The following TBL1X variants were observed in gnomAD, a reference collection of about 807,000 sequenced individuals.
TBL1X encodes F-box-like/WD repeat-containing protein TBL1X.
A neutral mutation model predicts 50.7 loss-of-function variants in TBL1X; 10 were observed. The ratio of observed to expected loss-of-function variants is 0.20; its 90% CI spans 0.12 to 0.33. TBL1X has a LOEUF of 0.33. Ranked by LOEUF, TBL1X falls within the 10% of genes least tolerant of loss-of-function variation. TBL1X has a pLI of 1.00. For missense variants in TBL1X, 340 were observed against 504.4 expected (o/e 0.67, Z 3.12); for synonymous variants, 190 against 214.7 (o/e 0.88, Z 1.01).
chrX:9,522,282 T>G (rs1017632215), intron 2 of TBL1X, among the ~76,000 whole-genome samples: 1 of 111,629 alleles, frequency 9.0e-6, no homozygotes, highest in Non-Finnish European at 1.9e-5. Context: ...CCTCCCAAAG[T>G]GCTAGGATTA....
chrX:9,699,648 G>A (rs1366306151), intron 12 of TBL1X, among the ~76,000 whole-genome samples: 1 of 111,708 alleles, frequency 9.0e-6, no homozygotes, highest in East Asian at 2.8e-4. Flanking sequence ...GGGCCCTGCA[G>A]GAAACAAGAC....
chrX:9,509,943 G>A (rs1399716578), intron 2 of TBL1X, among the ~76,000 whole-genome samples: 1 of 111,495 alleles, frequency 9.0e-6, no homozygotes, highest in Admixed American at 9.5e-5. Flanking sequence ...TGTAACTTGT[G>A]TTATTAATGA....
Position 9,490,173 on chromosome X carries a change from G to A in TBL1X, c.-200-11607G>A, listed in dbSNP as rs1359539925. 1.8e-4 allele frequency among the ~76,000 whole-genome samples: 20 copies of A among 110,487 alleles called. 1 individual carries two copies. The highest frequency in any genetic ancestry group is 5.6e-4 in the African/African-American group (17 of 30,304). On this transcript the variant is annotated intron_variant, in intron 1 of 17. Coordinates refer to ENST00000645353, the MANE Select transcript of TBL1X (RefSeq NM_005647.4). Reference sequence around the variant, plus strand: ...TTTTGTAGAGACAGAGTCTCATCATGTTGTCCAGACTAGTCTTGAACTCCT... The same window carrying A: ...TTTTGTAGAGACAGAGTCTCATCATATTGTCCAGACTAGTCTTGAACTCCT...
At chrX:9,587,246 C>T (rs2082474898) in intron 2 of TBL1X, among the ~76,000 whole-genome samples, 1 of 112,011 alleles carries the variant, frequency 8.9e-6, no homozygotes, top group African/African-American at 3.3e-5. Flanking sequence ...CTGCTGTCCG[C>T]GGCTTGCGCT....
At chrX:9,474,059 A>G (rs1310186577) in intron 1 of TBL1X, among the ~76,000 whole-genome samples, 1 of 112,612 alleles carries the variant, frequency 8.9e-6, no homozygotes, top group African/African-American at 3.2e-5. Flanking sequence ...TTAATTCCCA[A>G]AAGGGTCTTA....
chrX:9,661,287 C>T (rs963715708), intron 5 of TBL1X, among the ~76,000 whole-genome samples: 3 of 112,317 alleles, frequency 2.7e-5, no homozygotes, highest in African/African-American at 9.7e-5. Flanking sequence ...GAGGCCCACG[C>T]CTATAATCCC....
At chrX:9,561,141 C>T (rs5979119) in intron 2 of TBL1X, among the ~76,000 whole-genome samples, 1,608 of 111,243 alleles carry the variant, frequency 0.014, 25 homozygotes, top group African/African-American at 0.05. Context: ...ACACTCAAAC[C>T]GCACCCCACC....
chrX:9,545,720 A>G (rs999165176), intron 2 of TBL1X, among the ~76,000 whole-genome samples: 2 of 111,008 alleles, frequency 1.8e-5, no homozygotes, highest in Admixed American at 9.6e-5. Context: ...ATTCTCCTAC[A>G]AAACCATAGT....
chrX:9,626,333 G>A (rs913959367), intron 2 of TBL1X, among the ~76,000 whole-genome samples: 2 of 111,894 alleles, frequency 1.8e-5, no homozygotes, highest in African/African-American at 6.5e-5. Flanking sequence ...ATATTTGACT[G>A]TTGGAAATTT....
At chrX:9,591,620 AG>A (rs1430039752) in intron 2 of TBL1X, among the ~76,000 whole-genome samples, 7 of 111,909 alleles carry the variant, frequency 6.3e-5, no homozygotes, top group Non-Finnish European at 3.8e-5. Flanking sequence ...GAGTGCCCAG[AG>A]GGGGGAAGAG....
intron 11 of TBL1X, among the ~76,000 whole-genome samples, chrX:9,695,465 A>C (rs2083126105): frequency 8.9e-6 from 1 of 112,831 alleles, no homozygotes; most frequent in Admixed American, 9.4e-5. Context: ...AGATGTTCTA[A>C]TTCAAGTAAC....
intron 3 of TBL1X, among the ~76,000 whole-genome samples, chrX:9,651,438 GA>G (rs1439696626): frequency 8.9e-6 from 1 of 111,928 alleles, no homozygotes; most frequent in Non-Finnish European, 1.9e-5. Context: ...GTTAATGATA[GA>G]AAACCAGAGA....
intron 1 of TBL1X, among the ~76,000 whole-genome samples, chrX:9,469,307 C>G (rs2081797621): frequency 9.0e-6 from 1 of 111,482 alleles, no homozygotes; most frequent in African/African-American, 3.3e-5. Flanking sequence ...GGATTACAGG[C>G]ATGCTCCACC....
intron 2 of TBL1X, among the ~76,000 whole-genome samples, chrX:9,510,246 A>G (rs1462241245): frequency 9.0e-6 from 1 of 111,586 alleles, no homozygotes; most frequent in Non-Finnish European, 1.9e-5. Flanking sequence ...GCCACAGGTA[A>G]GAAATCCTGG....
chrX:9,699,885 TTTG>T (rs1385295788), intron 12 of TBL1X, among the ~76,000 whole-genome samples: 1 of 111,231 alleles, frequency 9.0e-6, no homozygotes, highest in African/African-American at 3.3e-5. Flanking sequence ...GCCGGTGAAA[TTTG>T]TTACTGGTGT....
At chrX:9,655,921 C>T (rs758461242) in intron 5 of TBL1X, among the ~76,000 whole-genome samples, 3 of 112,598 alleles carry the variant, frequency 2.7e-5, no homozygotes, top group Non-Finnish European at 5.6e-5. Context: ...ACGTCAGGCA[C>T]GTAGCACATT....
At chrX:9,638,350 T>C (rs2082758743) in intron 2 of TBL1X, among the ~76,000 whole-genome samples, 1 of 112,599 alleles carries the variant, frequency 8.9e-6, no homozygotes, top group African/African-American at 3.2e-5. Flanking sequence ...GGGCTGTTTA[T>C]TGTGGTTCTA....
intron 13 of TBL1X, among the ~76,000 whole-genome samples, chrX:9,708,519 G>A (rs1008557589): frequency 1.8e-5 from 2 of 111,313 alleles, no homozygotes; most frequent in African/African-American, 6.5e-5. Context: ...CCCTCCCTCC[G>A]CCTCCACTCA....
At chrX:9,578,527 A>G (rs995680354) in intron 2 of TBL1X, among the ~76,000 whole-genome samples, 1 of 111,639 alleles carries the variant, frequency 9.0e-6, no homozygotes, top group Non-Finnish European at 1.9e-5. Context: ...GCCTGCAGAA[A>G]GGAGCACGAG....
Sources: allele counts gnomAD v4.1 joint callset (sites outside exome capture counted in the v4.1 genomes callset), GRCh38; gene constraint gnomAD v4.1.1; transcripts MANE v1.5; gene names NCBI Gene and HGNC (gene_info 2026-07-23, HGNC 2026-07-21).